Variants in SGK2 observed in about 807,000 individuals in gnomAD.
SGK2 encodes the protein serine/threonine-protein kinase Sgk2.
A neutral mutation model predicts 47.5 loss-of-function variants in SGK2; 36 were observed. That is an observed-to-expected ratio of 0.76 (90% CI 0.58 to 1.00). The LOEUF (loss-of-function observed/expected upper bound fraction) is 1.00, where lower values mean the gene tolerates loss of function less well. SGK2 is among the 50% of genes least tolerant of loss of function. The pLI, the probability that SGK2 is intolerant of heterozygous loss-of-function variation, is 0.00. For synonymous variants in SGK2, 157 were observed against 181.9 expected (o/e 0.86, Z 1.10); for missense variants, 404 against 467.4 (o/e 0.86, Z 1.25).
intron 10 of SGK2, among the ~76,000 whole-genome samples, chr20:43,575,873 G>A (rs1332878360): frequency 6.6e-6 from 1 of 152,198 alleles, no homozygotes; most frequent in Admixed American, 6.5e-5. Context: ...TAATTGCTCT[G>A]AGCCTTGTTT....
chr20:43,572,021 C>T lies in SGK2; in HGVS notation c.511-30C>T, dbSNP rs1600993347. On this transcript the variant is annotated intron_variant, in intron 8 of 12. Coordinates refer to ENST00000373100, the MANE Select transcript of SGK2 (RefSeq NM_170693.3). This position sits in a 1 kb window ranked among gnomAD's most constrained non-coding sequence, Gnocchi z 4.2. Reference sequence around the variant, plus strand: ...TGGCCATACCCTTGGCTCATACCACCCTCCAGCCCATGCCCTCCGTCATTC... The same window carrying T: ...TGGCCATACCCTTGGCTCATACCACTCTCCAGCCCATGCCCTCCGTCATTC... The T allele has an allele frequency of 1.3e-6, 2 of 1,519,220 alleles. No homozygotes were observed. Among genetic ancestry groups the T allele is most frequent in the Non-Finnish European group, 1.8e-6 (2 of 1,119,752 alleles). The allele number at this position is 1,519,220 out of a possible 1,614,324, so 94.1% of individuals were successfully genotyped here. A position where few individuals can be genotyped will look rare whatever the true frequency, so the allele number is the denominator to read the frequency against.
chr20:43,574,154 C>G (rs1470459781), intron 9 of SGK2, among the ~76,000 whole-genome samples: 1 of 152,210 alleles, frequency 6.6e-6, no homozygotes, highest in Non-Finnish European at 1.5e-5. Context: ...CTCTGCCCTT[C>G]CCTAGACCCC....
Position 43,566,524 on chromosome 20 carries a change from G to A in SGK2, c.29G>A (p.Ser10Asn). Residue 10 changes from serine to asparagine, a missense_variant, in exon 2 of 13, where the codon AGT becomes AAT. Coordinates refer to ENST00000373100, the MANE Select transcript of SGK2 (RefSeq NM_170693.3). MNSSPAGTPSPQPSRANGNI... is the reference protein window; with the variant it reads MNSSPAGTPNPQPSRANGNI... ...AACTCTAGCCCAGCTGGGACCCCAA[G>A]TCCACAGGTGAGTGGTTCTTGGTCC... 6.2e-7 allele frequency: 1 copy of A among 1,612,166 alleles called. No individual in the cohort carries two copies. The highest frequency in any genetic ancestry group is 8.5e-7 in the Non-Finnish European group (1 of 1,178,764).
At position 43,569,427 on chromosome 20, in the gene SGK2, G is replaced by C; in HGVS notation, c.271G>C (p.Val91Leu). ...MAERSVLLKN[V>L]RHPFLVGLRY... is the part of the protein sequence containing the mutation. ...AGAGCGCAGTGTGCTTCTGAAGAAC[G>C]TGCGGCACCCCTTCCTCGTGGGCCT... The change falls in exon 6 of 13, where the codon GTG becomes CTG. Residue 91 changes from valine (V) to leucine (L), a missense_variant. Transcript: ENST00000373100. 9 of 1,613,950 alleles carry C rather than the reference G, an allele frequency of 5.6e-6. No individual in the cohort carries two copies. The highest frequency in any genetic ancestry group is 5.1e-6 in the Non-Finnish European group (6 of 1,180,020).
intron 9 of SGK2, 150 bp from the exon 10 acceptor site, chr20:43,574,759 T>C (rs1980362218): frequency 3.4e-6 from 2 of 580,948 alleles, no homozygotes; most frequent in East Asian, 3.2e-5. Flanking sequence ...AGGCCTTTGC[T>C]GAATGACTGA....
intron 1 of SGK2, among the ~76,000 whole-genome samples, chr20:43,559,949 G>A (rs1369453568): frequency 4.6e-5 from 7 of 152,128 alleles, no homozygotes; most frequent in Admixed American, 3.9e-4. Flanking sequence ...GGCTTGAGTG[G>A]GAGTTTGCGG....
At chr20:43,566,221 C>G in intron 1 of SGK2, 1 of 966,654 alleles carries the variant, frequency 1.0e-6, no homozygotes, top group East Asian at 2.5e-5. Flanking sequence ...AAGAATCAGC[C>G]TGGGAGGGGC....
intron 12 of SGK2, among the ~76,000 whole-genome samples, chr20:43,581,104 T>G (rs921214726): frequency 1.3e-5 from 2 of 152,170 alleles, no homozygotes; most frequent in African/African-American, 4.8e-5. Context: ...CTCGATCTCC[T>G]GACCTCGTGA....
At chr20:43,560,269 C>G (rs1341929431) in intron 1 of SGK2, among the ~76,000 whole-genome samples, 1 of 152,168 alleles carries the variant, frequency 6.6e-6, no homozygotes, top group Non-Finnish European at 1.5e-5. Flanking sequence ...GAGGCCGAGG[C>G]AGGCGGATCA....
chr20:43,574,965 G>A lies in SGK2; in HGVS notation c.654G>A (p.Trp218Ter), dbSNP rs576244474. The change falls in exon 10 of 13, where the codon TGG becomes TGA. Residue 218 changes from tryptophan to a stop codon, truncating the protein, a stop_gained. Transcript: ENST00000373100. LOFTEE classifies it high-confidence loss of function. The stretch of plus-strand genomic sequence containing the variant: ...CTTATGATCGAGCAGTGGACTGGTG[G>A]TGCTTGGGGGCAGTCCTCTACGAGA... ...KEPYDRAVDW[W>*]CLGAVLYEML... The A allele has an allele frequency of 1.3e-5, 21 of 1,613,852 alleles. No homozygotes were observed. In the African/African-American group the frequency reaches 2.3e-4, roughly 17 times the overall value.
intron 12 of SGK2, among the ~76,000 whole-genome samples, chr20:43,584,123 A>G (rs539093020): frequency 6.6e-6 from 1 of 152,236 alleles, no homozygotes; most frequent in Admixed American, 6.5e-5. Flanking sequence ...GGGAGTTGGC[A>G]GGCAGCCAGG....
At chr20:43,567,420 G>T (rs1353190868) in intron 3 of SGK2, among the ~76,000 whole-genome samples, 1 of 152,148 alleles carries the variant, frequency 6.6e-6, no homozygotes, top group Non-Finnish European at 1.5e-5. Context: ...CAGTATGTCT[G>T]GTTTTATCTC....
At chr20:43,566,292 G>C (rs372302577) in intron 1 of SGK2, 181 bp from the exon 2 acceptor site, 25 of 1,568,428 alleles carry the variant, frequency 1.6e-5, no homozygotes, top group East Asian at 2.3e-5. Context: ...CTGGGTCCAG[G>C]GGATATCATT....
intron 3 of SGK2, 132 bp from the exon 4 acceptor site, chr20:43,567,533 G>T: frequency 1.3e-6 from 1 of 779,262 alleles, no homozygotes; most frequent in Non-Finnish European, 2.2e-6. Flanking sequence ...CTTCGGGGGT[G>T]AGGAGGCATG....
chr20:43,575,836 C>G (rs1272223364), intron 10 of SGK2, among the ~76,000 whole-genome samples: 2 of 152,148 alleles, frequency 1.3e-5, no homozygotes, highest in Non-Finnish European at 2.9e-5. Flanking sequence ...TGGTTTGGGG[C>G]CTGGCTGTCT....
Position 43,567,903 on chromosome 20 carries a change from T to A in SGK2, c.145-13T>A. The A allele has an allele frequency of 6.2e-7, 1 of 1,613,446 alleles. No homozygotes were observed. The highest frequency in any genetic ancestry group is 8.5e-7 in the Non-Finnish European group (1 of 1,179,362). The stretch of plus-strand genomic sequence containing the variant: ...AGTCACCTACAGGGCCTCAAATTCA[T>A]GTTTCTTCTCAGGTCCTACTGGCCA... On this transcript the variant is annotated splice_polypyrimidine_tract_variant and intron_variant, in intron 4 of 12. Coordinates refer to ENST00000373100, the MANE Select transcript of SGK2 (RefSeq NM_170693.3).
chr20:43,581,203 G>A lies in SGK2; in HGVS notation c.939+1142G>A, dbSNP rs116486119. On this transcript the variant is annotated intron_variant, in intron 12 of 12. Transcript: ENST00000373100. ...TTTGTTTTGTTTTTAACCTAATTAG[G>A]TCCTACTTTATAGTATCTATATGTG... is the stretch of plus-strand genomic sequence containing the variant. Among the ~76,000 whole-genome samples, 893 of 151,936 alleles carry A rather than the reference G, an allele frequency of 5.9e-3. 7 individuals carry two copies. Among genetic ancestry groups the A allele is most frequent in the African/African-American group, 0.021 (853 of 41,472 alleles).
At chr20:43,579,809 T>C (rs1188886937) in intron 11 of SGK2, among the ~76,000 whole-genome samples, 163 bp from the exon 12 acceptor site, 1 of 152,184 alleles carries the variant, frequency 6.6e-6, no homozygotes, top group Non-Finnish European at 1.5e-5. Context: ...GGGAGAGGCT[T>C]GGCTGCAAAA....
At chr20:43,575,043 AG>A (rs1487915078) in intron 10 of SGK2, 39 bp downstream of exon 10, 3 of 1,404,946 alleles carry the variant, frequency 2.1e-6, no homozygotes, top group Non-Finnish European at 3.0e-6. Context: ...CCATCTGGCT[AG>A]GGATGGGTCT....
Sources: gnomAD v4.1 joint callset for allele counts (sites outside exome capture counted in the v4.1 genomes callset) on GRCh38, gnomAD v4.1.1 for gene constraint, Gnocchi (gnomAD v3.1) non-coding constraint, MANE v1.5 for transcripts, NCBI Gene and HGNC (gene_info 2026-07-23, HGNC 2026-07-21) for gene names.